The following SCEL variants were observed in gnomAD, a reference collection of about 807,000 sequenced individuals.
The protein encoded by SCEL is sciellin.
Under a neutral mutation model 117.6 loss-of-function variants are expected in SCEL, and 113 were observed. That is an observed-to-expected ratio of 0.96 (90% CI 0.83 to 1.12). The LOEUF is 1.12. Among genes scored for constraint, SCEL ranks in the 50% most tolerant of loss-of-function variants. The probability of loss-of-function intolerance (pLI) is 0.00; values close to 1 mark genes in which losing one functional copy is unlikely to be tolerated. For missense variants in SCEL, 785 were observed against 810.8 expected, an observed-to-expected ratio of 0.97 and a Z score of 0.39; for synonymous variants, 270 against 256.2, an observed-to-expected ratio of 1.05 and a Z score of -0.51.
Position 77,610,700 on chromosome 13 carries a change from A to ATT in SCEL, c.1337+596_1337+597dup, listed in dbSNP as rs201328936. On this transcript the variant is annotated intron_variant, in intron 22 of 32. Coordinates refer to ENST00000349847, the MANE Select transcript of SCEL (RefSeq NM_144777.3). ...ATGAGACAAAACATCACCCCAAACA[A>ATT]TTTCCCTGATCTAAGTAGCCTAAAG... Among the ~76,000 whole-genome samples the ATT allele has an allele frequency of 4.7e-3, 715 of 152,234 alleles. 21 individuals are homozygous for ATT. The East Asian group carries it at 0.06, about 13-fold the overall frequency.
intron 4 of SCEL, among the ~76,000 whole-genome samples, chr13:77,563,473 T>C (rs2085101694): frequency 6.6e-6 from 1 of 152,230 alleles, no homozygotes; most frequent in African/African-American, 2.4e-5. Context: ...GTTCCTATTA[T>C]GTAGAAATAA....
intron 4 of SCEL, among the ~76,000 whole-genome samples, chr13:77,562,395 G>A (rs1593939456): frequency 6.6e-6 from 1 of 152,064 alleles, no homozygotes; most frequent in African/African-American, 2.4e-5. Flanking sequence ...ATTAAAAATT[G>A]GGGGAGTTGT....
chr13:77,604,451 G>A (rs1253986120), intron 19 of SCEL, 36 bp downstream of exon 19: 1 of 1,512,356 alleles, frequency 6.6e-7, no homozygotes, highest in African/African-American at 1.4e-5. Flanking sequence ...CCCTTTGTTT[G>A]GCATTTAGAA....
intron 1 of SCEL, among the ~76,000 whole-genome samples, chr13:77,547,318 T>C (rs2084046273): frequency 6.6e-6 from 1 of 152,238 alleles, no homozygotes; most frequent in African/African-American, 2.4e-5. Flanking sequence ...CTGAAATCTA[T>C]AGTGATGATT....
At chr13:77,599,644 C>T in intron 14 of SCEL, 45 bp from the exon 15 acceptor site, 1 of 1,388,520 alleles carries the variant, frequency 7.2e-7, no homozygotes, top group Admixed American at 1.7e-5. Flanking sequence ...CACACAATTT[C>T]ATTTCAGTAT....
intron 27 of SCEL, among the ~76,000 whole-genome samples, chr13:77,626,363 A>G (rs376710733): frequency 1.1e-3 from 164 of 152,248 alleles, no homozygotes; most frequent in African/African-American, 3.5e-3. Context: ...GACACAAACC[A>G]TATCATTGTG....
intron 24 of SCEL, among the ~76,000 whole-genome samples, chr13:77,617,351 T>C (rs2089130420): frequency 6.6e-6 from 1 of 152,170 alleles, no homozygotes; most frequent in South Asian, 2.1e-4. Context: ...ATCAGATGTT[T>C]GCTATGGTGA....
intron 32 of SCEL, among the ~76,000 whole-genome samples, chr13:77,643,747 G>GCAGAAT (rs2154407716): frequency 6.6e-6 from 1 of 152,184 alleles, no homozygotes; most frequent in African/African-American, 2.4e-5. Flanking sequence ...CCATCAGGCT[G>GCAGAAT]CAGAATCAAT....
intron 12 of SCEL, 49 bp downstream of exon 12, chr13:77,593,622 C>A: frequency 1.4e-6 from 2 of 1,402,344 alleles, no homozygotes; most frequent in Non-Finnish European, 2.0e-6. Flanking sequence ...CCTGGTGTTT[C>A]AAAAATGCTT....
At position 77,644,441 on chromosome 13, in the gene SCEL, T is replaced by A. The variant is rs2090702112; in HGVS notation, c.*167T>A. The A allele has an allele frequency of 1.5e-6, 1 of 658,818 alleles. No homozygotes were observed. The highest frequency in any genetic ancestry group is 2.0e-5 in the South Asian group (1 of 49,836). The allele number at this position is 658,818 out of a possible 1,614,324, so 40.8% of individuals were successfully genotyped here. ...AGTAATCTAATTGTCTTCAATAAGG[T>A]CACACACATAAAAAGAGCCATCTGG... On this transcript the variant is annotated 3_prime_UTR_variant, in exon 33 of 33. Coordinates refer to ENST00000349847, the MANE Select transcript of SCEL (RefSeq NM_144777.3).
intron 28 of SCEL, among the ~76,000 whole-genome samples, chr13:77,632,788 A>T (rs951728583): frequency 6.6e-6 from 1 of 152,256 alleles, no homozygotes; most frequent in Non-Finnish European, 1.5e-5. Flanking sequence ...TTTGTTAAGC[A>T]TCATGATATT....
chr13:77,627,472 G>T (rs2089797541), intron 27 of SCEL, among the ~76,000 whole-genome samples: 2 of 152,212 alleles, frequency 1.3e-5, no homozygotes, highest in South Asian at 4.1e-4. Flanking sequence ...TACAATTATT[G>T]ATTGTACATT....
At position 77,593,640 on chromosome 13, in the gene SCEL, C is replaced by G; in HGVS notation, c.752+67C>G. The G allele has an allele frequency of 2.6e-6, 3 of 1,151,758 alleles. No homozygotes were observed. The Admixed American group carries it at 5.9e-5, about 23-fold the overall frequency. The allele number at this position is 1,151,758 out of a possible 1,614,324, so 71.3% of individuals were successfully genotyped here. A position where few individuals can be genotyped will look rare whatever the true frequency, so the allele number is the denominator to read the frequency against. The stretch of plus-strand genomic sequence containing the variant: ...GGTGTTTCAAAAATGCTTAACCACA[C>G]CTTTAAAAGTTCCAAATATGAACAA... On this transcript the variant is annotated intron_variant, in intron 12 of 32. Coordinates refer to ENST00000349847, the MANE Select transcript of SCEL (RefSeq NM_144777.3).
chr13:77,577,306 G>A (rs1281635710), intron 9 of SCEL, among the ~76,000 whole-genome samples: 2 of 152,090 alleles, frequency 1.3e-5, no homozygotes, highest in Admixed American at 1.3e-4. Flanking sequence ...ACCTTGCTGG[G>A]GAGGCCTCAG....
chr13:77,644,007 GC>G (rs1221322846), intron 32 of SCEL, among the ~76,000 whole-genome samples: 1 of 152,006 alleles, frequency 6.6e-6, no homozygotes, highest in Admixed American at 6.6e-5. Context: ...TACTCCCTAG[GC>G]ATTGCATGTT....
rs373775210 is a variant in SCEL at position 77,582,858 on chromosome 13, CAT to C, written c.546-6282_546-6281del. ...TAAAAGTTTGTAGTTTTATGTTTGA[CAT>C]ATAGATGTGTGATCCATTTTGAGTA... is the stretch of plus-strand genomic sequence containing the variant. On this transcript the variant is annotated intron_variant, in intron 9 of 32. Coordinates refer to ENST00000349847, the MANE Select transcript of SCEL (RefSeq NM_144777.3). Among the ~76,000 whole-genome samples the C allele has an allele frequency of 8.5e-3, 1,294 of 152,234 alleles. 30 individuals carry two copies. Among genetic ancestry groups the C allele is most frequent in the African/African-American group, 0.029 (1,219 of 41,540 alleles).
intron 1 of SCEL, among the ~76,000 whole-genome samples, chr13:77,545,612 C>T (rs866605439): frequency 1.3e-5 from 2 of 152,068 alleles, no homozygotes; most frequent in Admixed American, 6.5e-5. Context: ...AAGTAGAGGT[C>T]GATGAGACAG....
At chr13:77,614,789 G>A (rs2088903200) in intron 24 of SCEL, among the ~76,000 whole-genome samples, 1 of 152,120 alleles carries the variant, frequency 6.6e-6, no homozygotes, top group Non-Finnish European at 1.5e-5. Context: ...GAAAAAATTA[G>A]TGGAAGACTG....
At chr13:77,543,766 A>T (rs2083849479) in intron 1 of SCEL, among the ~76,000 whole-genome samples, 1 of 152,188 alleles carries the variant, frequency 6.6e-6, no homozygotes, top group Admixed American at 6.5e-5. Flanking sequence ...GCTGCAAAGA[A>T]CATGATTTCG....
Sources: allele counts gnomAD v4.1 joint callset (sites outside exome capture counted in the v4.1 genomes callset), GRCh38; gene constraint gnomAD v4.1.1; transcripts MANE v1.5; gene names NCBI Gene and HGNC (gene_info 2026-07-23, HGNC 2026-07-21).